Variants in AASDHPPT observed in about 807,000 individuals in gnomAD.
AASDHPPT encodes aminoadipate-semialdehyde dehydrogenase-phosphopantetheinyl transferase.
Under a neutral mutation model 36.4 loss-of-function variants are expected in AASDHPPT, and 23 were observed. That is an observed-to-expected ratio of 0.63 (90% CI 0.45 to 0.89). AASDHPPT has a LOEUF of 0.89. Ranked by LOEUF, AASDHPPT falls within the 40% of genes least tolerant of loss-of-function variation. The pLI is 0.00. For missense variants in AASDHPPT, 377 were observed against 378.2 expected, an observed-to-expected ratio of 1.00 and a Z score of 0.03; for synonymous variants, 115 against 128.0, an observed-to-expected ratio of 0.90 and a Z score of 0.68.
chr11:106,088,886 C>G (rs907577366), intron 2 of AASDHPPT, among the ~76,000 whole-genome samples: 1 of 152,012 alleles, frequency 6.6e-6, no homozygotes, highest in Non-Finnish European at 1.5e-5. Flanking sequence ...GCAACAGGAT[C>G]GGCAGAAATA....
intron 2 of AASDHPPT, among the ~76,000 whole-genome samples, chr11:106,085,227 G>T (rs189270969): frequency 1.8e-3 from 279 of 152,176 alleles, no homozygotes; most frequent in Admixed American, 4.9e-3. Context: ...TCAGCCTCCA[G>T]AGTAGCTGGG....
chr11:106,090,414 G>A (rs898048330), intron 2 of AASDHPPT, 143 bp from the exon 3 acceptor site: 2 of 586,762 alleles, frequency 3.4e-6, no homozygotes, highest in South Asian at 6.0e-5. Context: ...CCGAGATTTT[G>A]TTTAGGATTA....
Position 106,084,054 on chromosome 11 carries a change from C to T in AASDHPPT, c.409+4362C>T, listed in dbSNP as rs150239926. On this transcript the variant is annotated intron_variant, in intron 2 of 5. Transcript: ENST00000278618. The stretch of plus-strand genomic sequence containing the variant: ...AGTGATTAGAAAATATTAATAGGCA[C>T]GTTACAGAAGAACAAATTCAAGCAG... Among the ~76,000 whole-genome samples, 880 of 151,968 alleles carry T rather than the reference C, an allele frequency of 5.8e-3. 12 individuals carry two copies. The highest frequency in any genetic ancestry group is 0.02 in the African/African-American group (830 of 41,452).
chr11:106,086,016 T>G (rs1323402741), intron 2 of AASDHPPT: 1 of 152,196 alleles, frequency 6.6e-6, no homozygotes, highest in Non-Finnish European at 1.5e-5. Flanking sequence ...GACCAGCATT[T>G]GAACATTTGA....
chr11:106,091,144 A>T (rs1420194372), intron 3 of AASDHPPT, among the ~76,000 whole-genome samples, 172 bp from the exon 4 acceptor site: 3 of 152,114 alleles, frequency 2.0e-5, no homozygotes, highest in Non-Finnish European at 4.4e-5. Context: ...ATTTGCCCTA[A>T]GATCATATGG....
chr11:106,078,282 G>T (rs1861087413), intron 1 of AASDHPPT, among the ~76,000 whole-genome samples: 1 of 151,738 alleles, frequency 6.6e-6, no homozygotes, highest in Non-Finnish European at 1.5e-5. Flanking sequence ...TGCTTATTCT[G>T]CCTGTTAAAT....
intron 2 of AASDHPPT, among the ~76,000 whole-genome samples, chr11:106,087,011 T>C (rs1223309274): frequency 1.3e-5 from 2 of 152,232 alleles, no homozygotes; most frequent in African/African-American, 4.8e-5. Context: ...CCAGTAGTTC[T>C]AGCTCTATCA....
intron 2 of AASDHPPT, among the ~76,000 whole-genome samples, chr11:106,080,365 T>A (rs1327740423): frequency 1.3e-5 from 2 of 152,176 alleles, no homozygotes; most frequent in Non-Finnish European, 2.9e-5. Flanking sequence ...TAAATACATC[T>A]CTTTTTAGCC....
At chr11:106,093,667 C>T (rs920521679) in intron 4 of AASDHPPT, 5 of 152,020 alleles carry the variant, frequency 3.3e-5, no homozygotes, top group African/African-American at 9.7e-5. Context: ...TTTCTTCTGA[C>T]GTTTTATGGA....
At position 106,097,037 on chromosome 11, in the gene AASDHPPT, T is replaced by TA. The variant is rs368580660; in HGVS notation, c.*141dup. On this transcript the variant is annotated 3_prime_UTR_variant, in exon 6 of 6. Coordinates refer to ENST00000278618, the MANE Select transcript of AASDHPPT (RefSeq NM_015423.3). ...TTTAAAGAACAGAAACTTTTCCAAT[T>TA]AAAAAAAAAAAGCAGACTTCTGGTT... is the stretch of plus-strand genomic sequence containing the variant. The TA allele has an allele frequency of 0.13, 91,278 of 727,820 alleles. 951 individuals are homozygous for TA. Among genetic ancestry groups the TA allele is most frequent in the Middle Eastern group, 0.16 (404 of 2,462 alleles). 45.1% of individuals were successfully genotyped at this position (727,820 alleles called of 1,614,324 possible).
chr11:106,094,299 G>T, intron 4 of AASDHPPT: 1 of 237,150 alleles, frequency 4.2e-6, no homozygotes, highest in Non-Finnish European at 8.0e-6. Context: ...ATAAAGTATT[G>T]TTTCAATGTT....
At chr11:106,088,612 C>T (rs1171022165) in intron 2 of AASDHPPT, among the ~76,000 whole-genome samples, 2 of 152,046 alleles carry the variant, frequency 1.3e-5, no homozygotes, top group Non-Finnish European at 2.9e-5. Flanking sequence ...TCTGTCTTTA[C>T]TTTCTTTGAA....
rs770194254 is a variant in AASDHPPT, at chr11:106,096,739, T to G, written c.766-4T>G. 1 of 1,568,170 alleles carries G rather than the reference T, an allele frequency of 6.4e-7. No homozygotes were observed. The highest frequency in any genetic ancestry group is 2.3e-5 in the East Asian group (1 of 43,416). ...CAATAAGGTAATCTGCTTTTGTCTT[T>G]TAGGTTCCATCTCAGGATGATTCCA... On this transcript the variant is annotated splice_region_variant and splice_polypyrimidine_tract_variant and intron_variant, in intron 5 of 5. Coordinates refer to ENST00000278618, the MANE Select transcript of AASDHPPT (RefSeq NM_015423.3).
At chr11:106,091,594 G>A (rs1230606170) in intron 4 of AASDHPPT, 117 bp downstream of exon 4, 43 of 1,007,102 alleles carry the variant, frequency 4.3e-5, no homozygotes, top group Non-Finnish European at 5.8e-5. Context: ...CAGTCCTGCT[G>A]CTCTGAAAGT....
chr11:106,092,599 A>G (rs191793285), intron 4 of AASDHPPT: 13 of 152,260 alleles, frequency 8.5e-5, no homozygotes, highest in African/African-American at 3.1e-4. Context: ...AGAAGTGGAA[A>G]TTGAAACCAC....
In AASDHPPT at chr11:106,091,396, A is replaced by G. The variant is rs374759375; in HGVS notation, c.612A>G (p.Pro204=). 54 of 1,610,248 alleles carry G rather than the reference A, an allele frequency of 3.4e-5. No individual in the cohort carries two copies. The highest frequency in any genetic ancestry group is 4.3e-5 in the Non-Finnish European group (51 of 1,178,452). ...AGCGGCTTGAATTTGATCTATCTCCATTAAACTTGGATATAGGCCAAGTTT... is the reference window on the plus strand; with the variant it reads ...AGCGGCTTGAATTTGATCTATCTCCGTTAAACTTGGATATAGGCCAAGTTT... ...ELQRLEFDLS[P]LNLDIGQVYK... Residue 204 remains proline (P), a synonymous_variant, in exon 4 of 6, where the codon CCA becomes CCG. Transcript: ENST00000278618.
Position 106,094,674 on chromosome 11 carries a change from C to T in AASDHPPT, c.765+20C>T, listed in dbSNP as rs56149260. The T allele has an allele frequency of 6.4e-7, 1 of 1,566,226 alleles. No individual in the cohort carries two copies. The highest frequency in any genetic ancestry group is 8.7e-7 in the Non-Finnish European group (1 of 1,152,128). On this transcript the variant is annotated intron_variant, in intron 5 of 5. Transcript: ENST00000278618. ...CAGGATGTAAGATTTTAGGATTTCTCTTTTTTCTAAATAGCATGAATCAAT... is the reference window on the plus strand; with the variant it reads ...CAGGATGTAAGATTTTAGGATTTCTTTTTTTTCTAAATAGCATGAATCAAT...
chr11:106,085,094 A>G (rs990014642), intron 2 of AASDHPPT, among the ~76,000 whole-genome samples: 1 of 152,050 alleles, frequency 6.6e-6, no homozygotes, highest in Non-Finnish European at 1.5e-5. Context: ...AAGTTTTATT[A>G]ACACTTTTGG....
At chr11:106,081,312 A>G (rs1024474502) in intron 2 of AASDHPPT, among the ~76,000 whole-genome samples, 1 of 152,186 alleles carries the variant, frequency 6.6e-6, no homozygotes, top group Non-Finnish European at 1.5e-5. Context: ...ACAAGGCCCT[A>G]CTAGTGATTT....
Sources: gnomAD v4.1 joint callset for allele counts (sites outside exome capture counted in the v4.1 genomes callset) on GRCh38, gnomAD v4.1.1 for gene constraint, MANE v1.5 for transcripts, NCBI Gene and HGNC (gene_info 2026-07-23, HGNC 2026-07-21) for gene names.